MORC4: variants seen among roughly 807,000 people sequenced by gnomAD.
MORC4 encodes the protein MORC family CW-type zinc finger 4, also known as MORC family CW-type zinc finger protein 4.
In MORC4, 22 loss-of-function variants were observed where a neutral mutation model predicts 65.5. The ratio of observed to expected loss-of-function variants is 0.34; its 90% CI spans 0.24 to 0.48. The LOEUF (loss-of-function observed/expected upper bound fraction) is 0.48, where lower values mean the gene tolerates loss of function less well. MORC4 is among the 20% of genes least tolerant of loss of function. The pLI is 0.99. For missense variants in MORC4, 624 were observed against 703.0 expected (o/e 0.89, Z 1.27); for synonymous variants, 267 against 255.8 (o/e 1.04, Z -0.42).
intron 14 of MORC4, among the ~76,000 whole-genome samples, chrX:106,951,119 G>A (rs1237947426): frequency 9.0e-6 from 1 of 110,878 alleles, no homozygotes; most frequent in Non-Finnish European, 1.9e-5. Flanking sequence ...TGTTAATACT[G>A]GCCCCTGAAT....
intron 9 of MORC4, among the ~76,000 whole-genome samples, chrX:106,965,422 G>T (rs1934350322): frequency 8.9e-6 from 1 of 111,916 alleles, no homozygotes. Context: ...AGGAAATGAG[G>T]GGCAAAGAAA....
intron 3 of MORC4, among the ~76,000 whole-genome samples, chrX:106,991,892 G>A (rs1201148067): frequency 9.0e-6 from 1 of 111,457 alleles, no homozygotes; most frequent in African/African-American, 3.3e-5. Context: ...GTGATGGAGT[G>A]AGACTCTGTC....
At chrX:106,965,406 C>T (rs1934349926) in intron 9 of MORC4, among the ~76,000 whole-genome samples, 1 of 111,508 alleles carries the variant, frequency 9.0e-6, no homozygotes, top group Non-Finnish European at 1.9e-5. Context: ...CAAAAGACGG[C>T]AATGTAGGAA....
At chrX:106,985,038 A>G (rs987778502) in intron 5 of MORC4, 58 bp downstream of exon 5, 3 of 953,744 alleles carry the variant, frequency 3.1e-6, no homozygotes, top group African/African-American at 2.0e-5. Flanking sequence ...TTAAATAAAA[A>G]TGTGTTTCAT....
intron 9 of MORC4, among the ~76,000 whole-genome samples, chrX:106,972,831 G>A (rs984672323): frequency 1.2e-4 from 13 of 112,636 alleles, no homozygotes; most frequent in Non-Finnish European, 1.9e-4. Flanking sequence ...CCAGCTACTC[G>A]GGAGGCTGAG....
intron 13 of MORC4, 150 bp downstream of exon 13, chrX:106,956,330 C>T: frequency 1.8e-6 from 1 of 568,570 alleles, no homozygotes; most frequent in Non-Finnish European, 2.9e-6. Context: ...CAGAGCAAAG[C>T]AAAACCAAAA....
At chrX:106,984,995 C>T in intron 5 of MORC4, 101 bp downstream of exon 5, 1 of 755,726 alleles carries the variant, frequency 1.3e-6, no homozygotes. Flanking sequence ...ATAATGAGAC[C>T]CTGTCTTTTT....
Position 106,986,078 on chromosome X carries a change from C to T in MORC4, c.431G>A (p.Gly144Asp). ...TGATAGAAGTCCAACAGTGAGAGTA[C>T]CCCCATTCTTGGTGAAGACAAGGGC... ...KDALVFTKNG[G>D]TLTVGLLSQT... The change falls in exon 4 of 17, where the codon GGT (glycine) becomes GAT (aspartate). Residue 144 changes from glycine to aspartate, a missense_variant. Transcript: ENST00000355610. 8.3e-7 allele frequency: 1 copy of T among 1,209,873 alleles called. No homozygotes were observed. The highest frequency in any genetic ancestry group is 1.1e-6 in the Non-Finnish European group (1 of 893,848).
At chrX:106,975,735 T>C (rs1934609041) in intron 9 of MORC4, among the ~76,000 whole-genome samples, 2 of 111,074 alleles carry the variant, frequency 1.8e-5, no homozygotes, top group Admixed American at 1.9e-4. Flanking sequence ...GCTTAGAATG[T>C]CCTTCCTCTA....
chrX:106,995,084 G>A (rs1429112386), intron 2 of MORC4, among the ~76,000 whole-genome samples: 2 of 111,177 alleles, frequency 1.8e-5, no homozygotes, highest in African/African-American at 6.5e-5. Flanking sequence ...TAAAACATTA[G>A]AACTTATTTC....
intron 9 of MORC4, among the ~76,000 whole-genome samples, chrX:106,973,160 G>T (rs948657158): frequency 8.9e-6 from 1 of 112,148 alleles, no homozygotes; most frequent in Admixed American, 9.4e-5. Context: ...GACATTTAAT[G>T]GAATGTGCCT....
In MORC4 at chrX:106,942,005, T is replaced by C. The variant is rs772143288; in HGVS notation, c.2593A>G (p.Thr865Ala). Reference protein sequence around the residue: ...ELKEKLKETETHLEMLQKAQV... With the variant: ...ELKEKLKETEAHLEMLQKAQV... ...GCCTTCTGCAGCATTTCCAGGTGTGTCTCTGTTTCCTTCAGTTTCTCTTTT... is the reference window on the plus strand; with the variant it reads ...GCCTTCTGCAGCATTTCCAGGTGTGCCTCTGTTTCCTTCAGTTTCTCTTTT... Residue 865 changes from threonine (T) to alanine (A), a missense_variant, in exon 16 of 17, where the codon ACA becomes GCA. By Grantham distance (58) the Thr-to-Ala change is moderately conservative. Transcript: ENST00000355610. 7.4e-6 allele frequency: 9 copies of C among 1,211,355 alleles called. No individual in the cohort carries two copies. The South Asian group carries it at 1.4e-4, about 19-fold the overall frequency.
At chrX:106,959,703 C>G (rs1934189817) in intron 10 of MORC4, among the ~76,000 whole-genome samples, 1 of 110,738 alleles carries the variant, frequency 9.0e-6, no homozygotes, top group East Asian at 2.9e-4. Context: ...CCACACCCGG[C>G]TAATGTTTGT....
chrX:106,960,628 C>A (rs780181304), intron 10 of MORC4, among the ~76,000 whole-genome samples: 1 of 111,762 alleles, frequency 8.9e-6, no homozygotes, highest in Non-Finnish European at 1.9e-5. Context: ...TAGAACAGTG[C>A]CTGACATATA....
At chrX:106,978,232 C>T in intron 7 of MORC4, 33 bp from the exon 8 acceptor site, 3 of 1,173,112 alleles carry the variant, frequency 2.6e-6, no homozygotes, top group Non-Finnish European at 2.3e-6. Context: ...GACAAACATA[C>T]CAGGGGCTTC....
chrX:106,971,197 C>T (rs985122416), intron 9 of MORC4, among the ~76,000 whole-genome samples: 1 of 111,729 alleles, frequency 9.0e-6, no homozygotes, highest in Non-Finnish European at 1.9e-5. Context: ...ACAAACCTGA[C>T]ACACACAAGC....
intron 14 of MORC4, among the ~76,000 whole-genome samples, chrX:106,944,429 A>G (rs1409642773): frequency 1.8e-5 from 2 of 112,163 alleles, no homozygotes; most frequent in African/African-American, 3.2e-5. Context: ...GGAAAAGTAT[A>G]TAATACTAAA....
intron 9 of MORC4, among the ~76,000 whole-genome samples, chrX:106,976,276 CCATT>C (rs1009623762): frequency 8.1e-5 from 9 of 111,578 alleles, no homozygotes; most frequent in Admixed American, 1.9e-4. Context: ...AACTTCAGAT[CCATT>C]CATCTGTTTC....
chrX:106,996,489 T>C (rs1225603161), intron 2 of MORC4, among the ~76,000 whole-genome samples: 5 of 111,435 alleles, frequency 4.5e-5, no homozygotes, highest in Non-Finnish European at 5.7e-5. Flanking sequence ...AATGAACTTA[T>C]GATAACAAGG....
Sources: gnomAD v4.1 joint callset for allele counts (sites outside exome capture counted in the v4.1 genomes callset) on GRCh38, gnomAD v4.1.1 for gene constraint, MANE v1.5 for transcripts, NCBI Gene and HGNC (gene_info 2026-07-23, HGNC 2026-07-21) for gene names.